The following IGSF22 variants were observed in gnomAD, a reference collection of about 807,000 sequenced individuals.
The protein encoded by IGSF22 is immunoglobulin superfamily, member 22.
IGSF22 carries 119 observed loss-of-function variants against 127.0 expected under a neutral mutation model. The observed-to-expected ratio is 0.94, with a 90% confidence interval of 0.81 to 1.09. The LOEUF (loss-of-function observed/expected upper bound fraction) is 1.09. Among genes scored for constraint, IGSF22 ranks in the 50% least tolerant of loss-of-function variants. IGSF22 has a pLI of 0.00. For missense variants in IGSF22, 1,518 were observed against 1,716.6 expected, an observed-to-expected ratio of 0.88 and a Z score of 2.04; for synonymous variants, 568 against 664.7, an observed-to-expected ratio of 0.85 and a Z score of 2.24.
At chr11:18,707,739 T>G (rs1848269514) in intron 20 of IGSF22, 65 bp downstream of exon 20, 2 of 1,391,992 alleles carry the variant, frequency 1.4e-6, no homozygotes, top group East Asian at 5.0e-5. Context: ...CAAGCGGCAC[T>G]GGGGAGCTGT....
rs1848304695 is a variant in IGSF22 at position 18,709,231 on chromosome 11, C to T, written c.2998+156G>A. Among the ~76,000 whole-genome samples, 1 of 152,136 alleles carries T rather than the reference C, an allele frequency of 6.6e-6. No individual in the cohort carries two copies. Among genetic ancestry groups the T allele is most frequent in the African/African-American group, 2.4e-5 (1 of 41,410 alleles). On this transcript the variant is annotated intron_variant, in intron 18 of 22. Coordinates refer to ENST00000513874, the MANE Select transcript of IGSF22 (RefSeq NM_173588.4). The surrounding 1 kb of genome is among the most constrained non-coding windows in gnomAD (Gnocchi z 4.8). ...AATGATTGATTTAGTAGGGGTGCCC[C>T]TGAAGTTACCCCTAACTTTGTCCAG...
At chr11:18,710,187 T>G (rs1299704474) in intron 17 of IGSF22, 140 bp downstream of exon 17, 50 of 1,090,690 alleles carry the variant, frequency 4.6e-5, no homozygotes, top group Non-Finnish European at 6.2e-5. Flanking sequence ...GTGTGAATCT[T>G]GTCCCTCTAT....
intron 9 of IGSF22, 28 bp downstream of exon 9, chr11:18,717,903 T>C (rs773110020): frequency 1.2e-6 from 2 of 1,607,540 alleles, no homozygotes; most frequent in South Asian, 2.2e-5. Flanking sequence ...CATGTCCTCC[T>C]TGTGCCCTTG....
chr11:18,714,095 T>A lies in IGSF22; in HGVS notation c.1852A>T (p.Thr618Ser), dbSNP rs1259144207. Residue 618 changes from threonine to serine, a missense_variant, in exon 14 of 23, where the codon ACT becomes TCT. Transcript: ENST00000513874. ...TGGGCCGTGTGGCCTACCTTCACAG[T>A]GATGGCGTGCGCAGCCAGTGCCTCC... ...VLEALAAHAI[T>S]VKVGHTAHIK... 2.5e-6 allele frequency: 4 copies of A among 1,614,196 alleles called. No homozygotes were observed. Among genetic ancestry groups the A allele is most frequent in the Non-Finnish European group, 3.4e-6 (4 of 1,180,034 alleles).
At chr11:18,708,574 G>A (rs751747274) in intron 18 of IGSF22, among the ~76,000 whole-genome samples, 2 of 152,156 alleles carry the variant, frequency 1.3e-5, no homozygotes, top group African/African-American at 4.8e-5. Flanking sequence ...TTATAACAGC[G>A]AGAAAATTAT....
intron 20 of IGSF22, 46 bp downstream of exon 20, chr11:18,707,758 G>T: frequency 6.7e-7 from 1 of 1,486,142 alleles, no homozygotes; most frequent in Non-Finnish European, 9.2e-7. Flanking sequence ...GTGCTTTGGA[G>T]AGTGTACAGG....
chr11:18,717,953 C>T lies in IGSF22; in HGVS notation c.951G>A (p.Met317Ile), dbSNP rs1230151163. 5 of 1,614,190 alleles carry T rather than the reference C, an allele frequency of 3.1e-6. No individual in the cohort carries two copies. Among genetic ancestry groups the T allele is most frequent in the Admixed American group, 1.7e-5 (1 of 60,028 alleles). ...IYSLSVGDKR[M>I]SAELTVLDEP... is the part of the protein sequence containing the mutation. ...TACCCAGCACTGTGAGCTCTGCACTCATCCGCTTATCGCCCACGGACAGGC... is the reference window on the plus strand; with the variant it reads ...TACCCAGCACTGTGAGCTCTGCACTTATCCGCTTATCGCCCACGGACAGGC... Residue 317 changes from methionine to isoleucine, a missense_variant, in exon 9 of 23, where the codon ATG (methionine) becomes ATA (isoleucine). This residue lies in a region of IGSF22 where 1,456 missense variants were observed against 1,644.9 expected (regional missense o/e 0.89). Transcript: ENST00000513874.
In IGSF22 at chr11:18,717,945, T is replaced by C; in HGVS notation, c.959A>G (p.Glu320Gly). The C allele has an allele frequency of 6.2e-7, 1 of 1,614,112 alleles. No homozygotes were observed. Residue 320 changes from glutamate (E) to glycine (G), a missense_variant, in exon 9 of 23, where the codon GAG becomes GGG. Glu to Gly is a moderately conservative substitution (Grantham distance 98, BLOSUM62 -2). This residue lies in a region of IGSF22 where 1,456 missense variants were observed against 1,644.9 expected (regional missense o/e 0.89). Coordinates refer to ENST00000513874, the MANE Select transcript of IGSF22 (RefSeq NM_173588.4). ...LSVGDKRMSA[E>G]LTVLDEPLKF... is the part of the protein sequence containing the mutation. ...CCCACTCATACCCAGCACTGTGAGC[T>C]CTGCACTCATCCGCTTATCGCCCAC...
At chr11:18,722,159 T>C in intron 2 of IGSF22, 118 bp from the exon 3 acceptor site, 2 of 1,236,698 alleles carry the variant, frequency 1.6e-6, no homozygotes, top group African/African-American at 1.5e-5. Context: ...TTTAGGGAAG[T>C]GGGAGCAGGA....
rs1240253612 is a variant in IGSF22, at chr11:18,715,720, T to C, written c.1247-4A>G. On this transcript the variant is annotated splice_polypyrimidine_tract_variant and splice_region_variant and intron_variant, in intron 10 of 22. Coordinates refer to ENST00000513874, the MANE Select transcript of IGSF22 (RefSeq NM_173588.4). ...CTCACAAACTTGATGGGGATGCCTGTGGACAGACAGACACTTGGGCCTGCT... is the reference window on the plus strand; with the variant it reads ...CTCACAAACTTGATGGGGATGCCTGCGGACAGACAGACACTTGGGCCTGCT... 2 of 1,604,976 alleles carry C rather than the reference T, an allele frequency of 1.2e-6. No individual in the cohort carries two copies. The highest frequency in any genetic ancestry group is 2.7e-5 in the African/African-American group (2 of 74,854).
Position 18,716,846 on chromosome 11 carries a change from C to T in IGSF22, c.1128G>A (p.Thr376=), listed in dbSNP as rs777353843. ...ELKRDDKYEI[T]VSEDGLTHTL... Reference sequence around the variant, plus strand: ...TGTGCGTCAGACCATCTTCGGACACCGTGATTTCATACTTGTCATCCCTCT... The same window carrying T: ...TGTGCGTCAGACCATCTTCGGACACTGTGATTTCATACTTGTCATCCCTCT... The change falls in exon 10 of 23, where the codon ACG becomes ACA. Residue 376 remains threonine (T), a synonymous_variant. Transcript: ENST00000513874. This position sits in a 1 kb window ranked among gnomAD's most constrained non-coding sequence, Gnocchi z 4.5. The T allele has an allele frequency of 1.3e-5, 21 of 1,614,190 alleles. No homozygotes were observed. In the African/African-American group the frequency reaches 1.6e-4, roughly 12 times the overall value.
chr11:18,725,650 C>T (rs1450943486), intron 1 of IGSF22, among the ~76,000 whole-genome samples: 3 of 152,050 alleles, frequency 2.0e-5, no homozygotes, highest in African/African-American at 7.3e-5. Flanking sequence ...CTATGTTGGC[C>T]AGGCTAGTCT....
rs1848214836 is a variant in IGSF22 at position 18,705,829 on chromosome 11, G to A, written c.3898C>T (p.Leu1300Phe). The A allele has an allele frequency of 2.6e-6, 4 of 1,546,992 alleles. No individual in the cohort carries two copies. The highest frequency in any genetic ancestry group is 2.4e-5 in the East Asian group (1 of 40,878). Reference protein sequence around the residue: ...ELGKDRSSCTLTVYDKDDKSV... With the variant: ...ELGKDRSSCTFTVYDKDDKSV... Reference sequence around the variant, plus strand: ...GCGGCGCCCTCACCATAGACGGTGAGCGTGCAGCTGCTGCGGTCCTTGCCC... The same window carrying A: ...GCGGCGCCCTCACCATAGACGGTGAACGTGCAGCTGCTGCGGTCCTTGCCC... The change falls in exon 22 of 23, where the codon CTC (leucine) becomes TTC (phenylalanine). Residue 1300 changes from leucine to phenylalanine, a missense_variant. By Grantham distance (22) the Leu-to-Phe change is conservative. Coordinates refer to ENST00000513874, the MANE Select transcript of IGSF22 (RefSeq NM_173588.4).
At chr11:18,717,038 T>C (rs777751670) in intron 9 of IGSF22, 38 bp from the exon 10 acceptor site, 4 of 1,608,072 alleles carry the variant, frequency 2.5e-6, no homozygotes, top group Admixed American at 1.7e-5. Flanking sequence ...ATTGGGCTGG[T>C]CCCTCCTGAG....
rs376926632 is a variant in IGSF22 at position 18,707,830 on chromosome 11, C to T, written c.3254G>A (p.Arg1085His). Residue 1085 changes from arginine (R) to histidine (H), a missense_variant, in exon 20 of 23, where the codon CGC (arginine) becomes CAC (histidine). Transcript: ENST00000513874. ...TGCCACGCGCACATGGATGTCATAGCGTGCTTCTCCAAACTCATTCTGAAG... is the reference window on the plus strand; with the variant it reads ...TGCCACGCGCACATGGATGTCATAGTGTGCTTCTCCAAACTCATTCTGAAG... Reference protein sequence around the residue: ...ILLQNEFGEARYDIHVRVADF... With the variant: ...ILLQNEFGEAHYDIHVRVADF... The T allele has an allele frequency of 2.9e-5, 46 of 1,606,362 alleles. No individual in the cohort carries two copies. In the African/African-American group the frequency reaches 5.3e-4, roughly 19 times the overall value.
intron 21 of IGSF22, chr11:18,706,697 C>G: frequency 2.0e-6 from 1 of 500,294 alleles, no homozygotes; most frequent in Non-Finnish European, 3.5e-6. Flanking sequence ...GTCCTCTCTG[C>G]CCCCAAAGGT....
chr11:18,715,047 A>G (rs200269604), intron 11 of IGSF22, among the ~76,000 whole-genome samples: 2 of 9,276 alleles, frequency 2.2e-4, no homozygotes, highest in African/African-American at 1.1e-3. Context: ...ACATACATAC[A>G]TGTCATTGGG....
At chr11:18,719,666 T>A (rs370448493) in intron 7 of IGSF22, 50 bp downstream of exon 7, 35 of 1,578,458 alleles carry the variant, frequency 2.2e-5, no homozygotes, top group Non-Finnish European at 2.8e-5. Context: ...GCACTTTGGG[T>A]GAAGCCCTGC....
rs758125393 is a variant in IGSF22, at chr11:18,705,860, G to A, written c.3867C>T (p.Asn1289=). ...AGCTGCTGCGGTCCTTGCCCAGCTC[G>A]TTCTCCACCAGCACGCTGTAATCGC... ...DSGDYSVLVE[N]ELGKDRSSCT... Residue 1289 remains asparagine, a synonymous_variant, in exon 22 of 23, where the codon AAC becomes AAT. Transcript: ENST00000513874. 13 of 1,550,904 alleles carry A rather than the reference G, an allele frequency of 8.4e-6. No individual in the cohort carries two copies. The highest frequency in any genetic ancestry group is 4.8e-5 in the South Asian group (4 of 84,046).
Sources: gnomAD v4.1 joint callset for allele counts (sites outside exome capture counted in the v4.1 genomes callset) on GRCh38, gnomAD v4.1.1 for gene constraint, gnomAD v4.1.1 regional missense constraint, Gnocchi (gnomAD v3.1) non-coding constraint, MANE v1.5 for transcripts, NCBI Gene and HGNC (gene_info 2026-07-23, HGNC 2026-07-21) for gene names.